TAOK1: variants seen among roughly 807,000 people sequenced by gnomAD.
TAOK1 encodes the protein TAO kinase 1.
Under a neutral mutation model 138.3 loss-of-function variants are expected in TAOK1, and 21 were observed. The observed-to-expected ratio is 0.15, with a 90% CI of 0.11 to 0.22. TAOK1 has a LOEUF of 0.22. Ranked by LOEUF, TAOK1 falls within the 10% of genes least tolerant of loss-of-function variation. The pLI, the probability that TAOK1 is intolerant of heterozygous loss-of-function variation, is 1.00. For missense variants in TAOK1, 651 were observed against 1,227.7 expected, an observed-to-expected ratio of 0.53 and a Z score of 7.02; for synonymous variants, 361 against 398.4, an observed-to-expected ratio of 0.91 and a Z score of 1.12.
intron 19 of TAOK1, among the ~76,000 whole-genome samples, chr17:29,539,482 G>A (rs2032279434): frequency 6.6e-6 from 1 of 152,050 alleles, no homozygotes; most frequent in Non-Finnish European, 1.5e-5. Flanking sequence ...TGTTGCCCAC[G>A]CTGGAGTGCA....
At chr17:29,393,464 C>A (rs1256139508) in intron 1 of TAOK1, among the ~76,000 whole-genome samples, 1 of 152,058 alleles carries the variant, frequency 6.6e-6, no homozygotes, top group Non-Finnish European at 1.5e-5. Context: ...TAGATAAATA[C>A]ATTATTAAGG....
chr17:29,462,955 T>C (rs2030565371), intron 2 of TAOK1, among the ~76,000 whole-genome samples: 1 of 152,190 alleles, frequency 6.6e-6, no homozygotes. Context: ...TGTTCTTTGT[T>C]AGTTACTTAT....
At chr17:29,528,892 G>A (rs1367845034) in intron 17 of TAOK1, among the ~76,000 whole-genome samples, 2 of 134,890 alleles carry the variant, frequency 1.5e-5, no homozygotes, top group African/African-American at 2.7e-5. Flanking sequence ...TTTCTAAAAC[G>A]AACAGAATAA....
At chr17:29,483,803 AC>A (rs1478183527) in intron 8 of TAOK1, among the ~76,000 whole-genome samples, 2 of 152,200 alleles carry the variant, frequency 1.3e-5, no homozygotes, top group Non-Finnish European at 2.9e-5. Context: ...ATTTGAAAGT[AC>A]CTTTAGGTGT....
At chr17:29,520,429 AT>A (rs908789184) in intron 16 of TAOK1, among the ~76,000 whole-genome samples, 84 of 145,208 alleles carry the variant, frequency 5.8e-4, no homozygotes, top group Middle Eastern at 3.6e-3. Flanking sequence ...GTCTCTACAA[AT>A]TTTTTTTTTT....
At chr17:29,407,764 T>C (rs1905034154) in intron 1 of TAOK1, among the ~76,000 whole-genome samples, 1 of 152,182 alleles carries the variant, frequency 6.6e-6, no homozygotes, top group Non-Finnish European at 1.5e-5. Context: ...CTTACTCTTT[T>C]TGAAGACACG....
chr17:29,527,579 T>C (rs1598523299), intron 17 of TAOK1, among the ~76,000 whole-genome samples: 1 of 152,172 alleles, frequency 6.6e-6, no homozygotes, highest in East Asian at 1.9e-4. Flanking sequence ...GTGCCTCAGA[T>C]GGTGAAAAAT....
chr17:29,532,541 A>G (rs1193897145), intron 18 of TAOK1, among the ~76,000 whole-genome samples: 1 of 152,018 alleles, frequency 6.6e-6, no homozygotes, highest in Non-Finnish European at 1.5e-5. Context: ...GGGAGTGGTG[A>G]TGACTCTTAA....
At chr17:29,404,118 C>G (rs1000134934) in intron 1 of TAOK1, 1 of 151,384 alleles carries the variant, frequency 6.6e-6, no homozygotes, top group African/African-American at 2.4e-5. Context: ...TGAAATATTT[C>G]TGTGTGTGTG....
At position 29,401,515 on chromosome 17, in the gene TAOK1, C is replaced by T. The variant is rs555182199; in HGVS notation, c.-95+10491C>T. On this transcript the variant is annotated intron_variant, in intron 1 of 19. Coordinates refer to ENST00000261716, the MANE Select transcript of TAOK1 (RefSeq NM_020791.4). ...CCAACAACAGTAGCTCTTGAGAACTCACTATCAACTAGAACAGCAAGGGGG... is the reference window on the plus strand; with the variant it reads ...CCAACAACAGTAGCTCTTGAGAACTTACTATCAACTAGAACAGCAAGGGGG... 2.6e-5 allele frequency among the ~76,000 whole-genome samples: 4 copies of T among 152,250 alleles called. No homozygotes were observed. In the East Asian group the frequency reaches 7.7e-4, roughly 29 times the overall value.
At chr17:29,457,089 C>CTTT (rs548221652) in intron 2 of TAOK1, among the ~76,000 whole-genome samples, 245 of 107,422 alleles carry the variant, frequency 2.3e-3, no homozygotes, top group Non-Finnish European at 3.1e-3. Flanking sequence ...TTTTCTTTTT[C>CTTT]TTTTTTTTTT....
intron 16 of TAOK1, among the ~76,000 whole-genome samples, chr17:29,518,870 A>G (rs548288812): frequency 1.3e-5 from 2 of 152,092 alleles, no homozygotes; most frequent in East Asian, 3.9e-4. Context: ...AGGTTCAAGC[A>G]ATTCTCCTGC....
intron 1 of TAOK1, among the ~76,000 whole-genome samples, chr17:29,431,464 A>AG (rs892030055): frequency 1.3e-5 from 2 of 151,874 alleles, no homozygotes; most frequent in African/African-American, 4.8e-5. Context: ...TTAAAAAAAA[A>AG]CCTTAGGTTT....
intron 1 of TAOK1, among the ~76,000 whole-genome samples, chr17:29,440,863 A>G (rs187574247): frequency 0.011 from 1,636 of 152,324 alleles, 35 homozygotes; most frequent in African/African-American, 0.037. Flanking sequence ...GGCATGAGCC[A>G]CCGGCCCAGC....
chr17:29,438,464 C>T (rs576567721), intron 1 of TAOK1, among the ~76,000 whole-genome samples: 107 of 152,240 alleles, frequency 7.0e-4, no homozygotes, highest in African/African-American at 2.5e-3. Flanking sequence ...GCGGGCGGAC[C>T]ACGTGAGCTC....
In TAOK1 at chr17:29,522,969, G is replaced by T. The variant is rs369842403; in HGVS notation, c.2148+450G>T. ...ACATGCCTATAGTCCCAGCTACTCG[G>T]GGGGCTGAAGCAGGAGAATCCCTTG... On this transcript the variant is annotated intron_variant, in intron 17 of 19. Transcript: ENST00000261716. Among the ~76,000 whole-genome samples, 28 of 152,020 alleles carry T rather than the reference G, an allele frequency of 1.8e-4. 2 individuals are homozygous for T. The East Asian group carries it at 3.7e-3, about 20-fold the overall frequency.
At chr17:29,447,628 C>T (rs891419608) in intron 1 of TAOK1, among the ~76,000 whole-genome samples, 3 of 151,834 alleles carry the variant, frequency 2.0e-5, no homozygotes, top group Admixed American at 6.6e-5. Context: ...TGCAAGCTAC[C>T]TCACCCGGCC....
At position 29,418,293 on chromosome 17, in the gene TAOK1, C is replaced by T. The variant is rs117472410; in HGVS notation, c.-95+27269C>T. Among the ~76,000 whole-genome samples the T allele has an allele frequency of 3.3e-5, 5 of 152,308 alleles. No individual in the cohort carries two copies. In the East Asian group the frequency reaches 9.6e-4, roughly 29 times the overall value. On this transcript the variant is annotated intron_variant, in intron 1 of 19. Transcript: ENST00000261716. Reference sequence around the variant, plus strand: ...CAGACTCCTGGGCTCAAGTGATCCTCACATCTCAGACTCCTTAGTAGCTAG... The same window carrying T: ...CAGACTCCTGGGCTCAAGTGATCCTTACATCTCAGACTCCTTAGTAGCTAG...
At chr17:29,411,173 G>T (rs2095058377) in intron 1 of TAOK1, among the ~76,000 whole-genome samples, 2 of 128,236 alleles carry the variant, frequency 1.6e-5, no homozygotes, top group Non-Finnish European at 3.2e-5. Flanking sequence ...CTCACTGCAA[G>T]CTCCGCCTTC....
Sources: allele counts gnomAD v4.1 joint callset (sites outside exome capture counted in the v4.1 genomes callset), GRCh38; gene constraint gnomAD v4.1.1; transcripts MANE v1.5; gene names NCBI Gene and HGNC (gene_info 2026-07-23, HGNC 2026-07-21).